The following MLLT3 variants were observed in gnomAD, a reference collection of about 807,000 sequenced individuals.
The protein encoded by MLLT3 is MLLT3 super elongation complex subunit, also known as protein AF-9.
Under a neutral mutation model 53.2 loss-of-function variants are expected in MLLT3, and 4 were observed. The ratio of observed to expected loss-of-function variants is 0.08; its 90% CI spans 0.04 to 0.17. The LOEUF is 0.17. MLLT3 is among the 10% of genes least tolerant of loss of function. The probability of loss-of-function intolerance (pLI) is 1.00; values close to 1 mark genes in which losing one functional copy is unlikely to be tolerated. For synonymous variants in MLLT3, 283 were observed against 230.6 expected, an observed-to-expected ratio of 1.23 and a Z score of -2.06; for missense variants, 569 against 684.0, an observed-to-expected ratio of 0.83 and a Z score of 1.87.
chr9:20,595,754 GAC>G (rs973923808), intron 2 of MLLT3, among the ~76,000 whole-genome samples: 7 of 152,212 alleles, frequency 4.6e-5, no homozygotes, highest in African/African-American at 1.7e-4. Context: ...AAAAAAGAAA[GAC>G]ACGATTTTAT....
intron 2 of MLLT3, among the ~76,000 whole-genome samples, chr9:20,502,098 G>C (rs6475450): frequency 0.27 from 36,643 of 134,202 alleles, 6,222 homozygotes; most frequent in African/African-American, 0.42. Context: ...AAAAAAGGGG[G>C]GGGGGGGGAC....
chr9:20,398,899 AAAAC>A (rs1305773688), intron 5 of MLLT3, among the ~76,000 whole-genome samples: 1 of 152,122 alleles, frequency 6.6e-6, no homozygotes, highest in Non-Finnish European at 1.5e-5. Context: ...AATCAGCTAA[AAAAC>A]AAACAAACAA....
chr9:20,386,282 TA>T (rs1157035760), intron 5 of MLLT3, among the ~76,000 whole-genome samples: 1 of 152,148 alleles, frequency 6.6e-6, no homozygotes, highest in African/African-American at 2.4e-5. Context: ...TGGCACAAAA[TA>T]ATGTTTCAAG....
chr9:20,553,471 G>T (rs1242003554), intron 2 of MLLT3, among the ~76,000 whole-genome samples: 2 of 152,152 alleles, frequency 1.3e-5, no homozygotes, highest in Non-Finnish European at 2.9e-5. Context: ...GGAGAAATCT[G>T]ACCTCAATTC....
chr9:20,537,683 G>C (rs905504345), intron 2 of MLLT3, among the ~76,000 whole-genome samples: 1 of 152,046 alleles, frequency 6.6e-6, no homozygotes, highest in Admixed American at 6.6e-5. Context: ...AGCTACAAAA[G>C]CTAAATGTAA....
chr9:20,354,965 T>C (rs1208808539), intron 8 of MLLT3, 86 bp from the exon 9 acceptor site: 2 of 848,716 alleles, frequency 2.4e-6, no homozygotes, highest in Non-Finnish European at 4.0e-6. Flanking sequence ...ATCCACTGAA[T>C]GAAATGTACA....
rs943071981 is a variant in MLLT3, at chr9:20,621,732, C to G, written c.12+513G>C. 2.7e-6 allele frequency: 4 copies of G among 1,489,728 alleles called. No homozygotes were observed. Among genetic ancestry groups the G allele is most frequent in the Non-Finnish European group, 3.6e-6 (4 of 1,125,568 alleles). 92.3% of individuals were successfully genotyped at this position (1,489,728 alleles called of 1,614,324 possible). The stretch of plus-strand genomic sequence containing the variant: ...CGTGCGGCCCCGCCGCTGTCAGCCC[C>G]GCACACTTCGGCTCACACACGCGCG... On this transcript the variant is annotated intron_variant, in intron 1 of 10. Transcript: ENST00000380338. The surrounding 1 kb of genome is among the most constrained non-coding windows in gnomAD (Gnocchi z 7.0).
Position 20,344,761 on chromosome 9 carries a change from G to C in MLLT3, c.*1682C>G, listed in dbSNP as rs1306209404. 1 of 206,204 alleles carries C rather than the reference G, an allele frequency of 4.8e-6. No homozygotes were observed. 12.8% of individuals were successfully genotyped at this position (206,204 alleles called of 1,614,324 possible). ...GCAGAAATAACTCCATTATCAATCT[G>C]CATTTATATAACTGCCCAAAAGAAT... On this transcript the variant is annotated 3_prime_UTR_variant, in exon 11 of 11. Transcript: ENST00000380338.
At chr9:20,424,303 G>T (rs1202426360) in intron 4 of MLLT3, among the ~76,000 whole-genome samples, 1 of 152,162 alleles carries the variant, frequency 6.6e-6, no homozygotes, top group Non-Finnish European at 1.5e-5. Flanking sequence ...TATTAGTAGA[G>T]TTGTGTTCAG....
chr9:20,363,494 C>T lies in MLLT3; in HGVS notation c.1313G>A (p.Gly438Glu), dbSNP rs1429377375. The T allele has an allele frequency of 1.1e-5, 18 of 1,613,740 alleles. No individual in the cohort carries two copies. Among genetic ancestry groups the T allele is most frequent in the Non-Finnish European group, 1.4e-5 (17 of 1,179,886 alleles). Residue 438 changes from glycine to glutamate, a missense_variant, in exon 7 of 11, where the codon GGA (glycine) becomes GAA (glutamate). Around this residue, in one of 5 missense-constraint regions of MLLT3, gnomAD observed 437 missense variants for 376.5 expected, o/e 1.16. Transcript: ENST00000380338. ...DSEMERPVNRGGSRSRRVSLS... is the reference protein window; with the variant it reads ...DSEMERPVNREGSRSRRVSLS... The stretch of plus-strand genomic sequence containing the variant: ...TACTCACCTGCGACTTCGGCTGCCT[C>T]CTCTATTTACAGGCCTCTCCATTTC...
intron 3 of MLLT3, among the ~76,000 whole-genome samples, chr9:20,455,527 T>C (rs1310349242): frequency 3.3e-5 from 5 of 152,194 alleles, no homozygotes; most frequent in African/African-American, 1.2e-4. Context: ...AATTTGAGAA[T>C]CTCATTTCTA....
At chr9:20,447,235 T>C (rs1464627380) in intron 4 of MLLT3, among the ~76,000 whole-genome samples, 1 of 152,152 alleles carries the variant, frequency 6.6e-6, no homozygotes, top group African/African-American at 2.4e-5. Context: ...ATCAGTGATA[T>C]AAGGCATCTT....
intron 4 of MLLT3, among the ~76,000 whole-genome samples, chr9:20,445,017 G>C (rs934430157): frequency 6.6e-6 from 1 of 151,436 alleles, no homozygotes; most frequent in Non-Finnish European, 1.5e-5. Context: ...TTTCAGCCTG[G>C]CAAGTCAAGG....
chr9:20,351,376 T>C (rs147017765), intron 10 of MLLT3, among the ~76,000 whole-genome samples: 238 of 152,312 alleles, frequency 1.6e-3, no homozygotes, highest in African/African-American at 5.3e-3. Context: ...TTACATATGT[T>C]CAATCTCACT....
rs187037389 is a variant in MLLT3 at position 20,441,201 on chromosome 9, G to T, written c.420+6922C>A. ...TAAAAGGTAAACAGGTAGTTGGGAA[G>T]GAAGGAACAAATGAAGACACGAAAG... On this transcript the variant is annotated intron_variant, in intron 4 of 10. Coordinates refer to ENST00000380338, the MANE Select transcript of MLLT3 (RefSeq NM_004529.4). 1.8e-3 allele frequency among the ~76,000 whole-genome samples: 281 copies of T among 152,220 alleles called. 1 individual carries two copies. The highest frequency in any genetic ancestry group is 6.5e-3 in the African/African-American group (271 of 41,556).
chr9:20,526,990 T>C (rs967462256), intron 2 of MLLT3, among the ~76,000 whole-genome samples: 2 of 152,216 alleles, frequency 1.3e-5, no homozygotes, highest in Non-Finnish European at 2.9e-5. Flanking sequence ...GGCTGCCTTT[T>C]CTGAATTGAT....
At chr9:20,599,736 A>G (rs555840424) in intron 2 of MLLT3, among the ~76,000 whole-genome samples, 358 of 152,328 alleles carry the variant, frequency 2.4e-3, no homozygotes, top group Non-Finnish European at 3.5e-3. Context: ...AAAGAGCAAT[A>G]GTTCTGACAC....
At chr9:20,420,704 T>C (rs1822987616) in intron 4 of MLLT3, among the ~76,000 whole-genome samples, 1 of 151,970 alleles carries the variant, frequency 6.6e-6, no homozygotes, top group East Asian at 1.9e-4. Context: ...TCTATCTCGT[T>C]TTTTTTTATA....
chr9:20,520,378 T>C (rs1818027420), intron 2 of MLLT3, among the ~76,000 whole-genome samples: 1 of 151,952 alleles, frequency 6.6e-6, no homozygotes, highest in East Asian at 1.9e-4. Flanking sequence ...AGAATATCAC[T>C]GAGTCTCAAT....
Sources: gnomAD v4.1 joint callset for allele counts (sites outside exome capture counted in the v4.1 genomes callset) on GRCh38, gnomAD v4.1.1 for gene constraint, gnomAD v4.1.1 regional missense constraint, Gnocchi (gnomAD v3.1) non-coding constraint, MANE v1.5 for transcripts, NCBI Gene and HGNC (gene_info 2026-07-23, HGNC 2026-07-21) for gene names.